The following CORO7 variants were observed in gnomAD, a reference collection of about 807,000 sequenced individuals.
CORO7 encodes coronin 7.
In CORO7, 107 loss-of-function variants were observed where a neutral mutation model predicts 126.6. The ratio of observed to expected loss-of-function variants is 0.85; its 90% CI spans 0.72 to 0.99. The LOEUF (loss-of-function observed/expected upper bound fraction) is 0.99, where lower values mean the gene tolerates loss of function less well. Ranked by LOEUF, CORO7 falls within the 50% of genes least tolerant of loss-of-function variation. The probability of loss-of-function intolerance (pLI) is 0.00; values close to 1 mark genes in which losing one functional copy is unlikely to be tolerated. For missense variants in CORO7, 1,314 were observed against 1,255.8 expected (o/e 1.05, Z -0.70); for synonymous variants, 603 against 536.8 (o/e 1.12, Z -1.70).
At chr16:4,406,921 G>A (rs1426247345) in intron 5 of CORO7, among the ~76,000 whole-genome samples, 1 of 152,104 alleles carries the variant, frequency 6.6e-6, no homozygotes, top group African/African-American at 2.4e-5. Context: ...TTACAGGCGT[G>A]AGCCACCGCG....
chr16:4,395,401 C>T (rs372977565), intron 6 of CORO7, 62 bp from the exon 7 acceptor site: 2 of 1,607,148 alleles, frequency 1.2e-6, no homozygotes, highest in South Asian at 1.1e-5. Context: ...TGGAAGCCAG[C>T]CTGCTCCCCT....
chr16:4,392,562 C>G (rs961543268), intron 7 of CORO7, among the ~76,000 whole-genome samples: 2 of 152,208 alleles, frequency 1.3e-5, no homozygotes, highest in Non-Finnish European at 2.9e-5. Context: ...CGGGATAGCA[C>G]CAGGGCTCAG....
Position 4,364,998 on chromosome 16 carries a change from C to A in CORO7, c.898+5G>T. The A allele has an allele frequency of 6.2e-7, 1 of 1,605,826 alleles. No homozygotes were observed. The highest frequency in any genetic ancestry group is 8.5e-7 in the Non-Finnish European group (1 of 1,176,672). Reference sequence around the variant, plus strand: ...AGGGGATGGGGGCGAGGAAGCAAGGCTTACCTGGGCTCAGCGCCGGCTGCT... The same window carrying A: ...AGGGGATGGGGGCGAGGAAGCAAGGATTACCTGGGCTCAGCGCCGGCTGCT... On this transcript the variant is annotated splice_donor_5th_base_variant and intron_variant, in intron 11 of 27. Transcript: ENST00000251166.
At chr16:4,361,856 C>T in intron 16 of CORO7, 129 bp downstream of exon 16, 1 of 1,423,362 alleles carries the variant, frequency 7.0e-7, no homozygotes. Flanking sequence ...CTGGGAGGAT[C>T]ACAGGACAGG....
In CORO7 at chr16:4,361,163, T is replaced by G. The variant is rs1005213185; in HGVS notation, c.1773A>C (p.Thr591=). ...EVLTTPETVL[T]GHTEKICSLR... ...GCCCCATTCCTGAGCCTGCCTGACC[T>G]GTGAGCACAGTCTCTGGCGTGGTGA... Residue 591 remains threonine (T), a splice_region_variant and synonymous_variant, in exon 18 of 28, where the codon ACA becomes ACC. Transcript: ENST00000251166. 2 of 1,613,140 alleles carry G rather than the reference T, an allele frequency of 1.2e-6. No homozygotes were observed. The highest frequency in any genetic ancestry group is 1.7e-6 in the Non-Finnish European group (2 of 1,179,992).
intron 9 of CORO7, chr16:4,382,542 A>G (rs1431455226): frequency 1.3e-6 from 2 of 1,583,724 alleles, no homozygotes; most frequent in South Asian, 1.1e-5. Flanking sequence ...AGGCCCATAC[A>G]CCCCCAGCCG....
intron 7 of CORO7, among the ~76,000 whole-genome samples, chr16:4,393,839 G>T (rs868731707): frequency 6.6e-6 from 1 of 152,190 alleles, no homozygotes; most frequent in African/African-American, 2.4e-5. Context: ...GGTAGCTCAC[G>T]TCTGTAATCC....
At chr16:4,398,688 G>C (rs1251799336) in intron 6 of CORO7, among the ~76,000 whole-genome samples, 1 of 150,744 alleles carries the variant, frequency 6.6e-6, no homozygotes, top group Non-Finnish European at 1.5e-5. Flanking sequence ...AAAATTGCAA[G>C]GCTGGGCGTG....
intron 13 of CORO7, 38 bp downstream of exon 13, chr16:4,364,559 C>CCA (rs1567252690): frequency 1.3e-6 from 2 of 1,536,956 alleles, no homozygotes; most frequent in African/African-American, 2.7e-5. Flanking sequence ...ACCAGGGACT[C>CCA]GGGGAGGCTG....
rs370284503 is a variant in CORO7 at position 4,364,383 on chromosome 16, G to A, written c.1168C>T (p.Arg390Trp). The A allele has an allele frequency of 3.2e-5, 48 of 1,512,850 alleles. No individual in the cohort carries two copies. Among genetic ancestry groups the A allele is most frequent in the African/African-American group, 8.4e-5 (6 of 71,816 alleles). 93.7% of individuals were successfully genotyped at this position (1,512,850 alleles called of 1,614,324 possible). ...CAGGAAGTGAAGCTCGGGTGGGGCCGGCAGGCGGGGTTGAGGCTGACCTTC... is the reference window on the plus strand; with the variant it reads ...CAGGAAGTGAAGCTCGGGTGGGGCCAGCAGGCGGGGTTGAGGCTGACCTTC... ...VQKVSLNPAC[R>W]PHPSFTSCLV... The change falls in exon 14 of 28, where the codon CGG (arginine) becomes TGG (tryptophan). Residue 390 changes from arginine (R) to tryptophan (W), a missense_variant. Arg to Trp is a moderately radical substitution (Grantham distance 101, BLOSUM62 -3). Transcript: ENST00000251166.
chr16:4,366,264 CG>C (rs1207889323), intron 9 of CORO7, among the ~76,000 whole-genome samples: 1 of 152,174 alleles, frequency 6.6e-6, no homozygotes, highest in East Asian at 1.9e-4. Flanking sequence ...AGGAGCAGGG[CG>C]GGGTGGCAGC....
chr16:4,381,937 A>G, intron 9 of CORO7: 1 of 1,606,876 alleles, frequency 6.2e-7, no homozygotes, highest in African/African-American at 1.3e-5. Flanking sequence ...AGCCACCACC[A>G]CCACAGCCAC....
At chr16:4,365,368 G>A (rs1567254524) in intron 10 of CORO7, 123 bp downstream of exon 10, 11 of 1,408,116 alleles carry the variant, frequency 7.8e-6, no homozygotes, top group Non-Finnish European at 1.1e-5. Flanking sequence ...GAGAGCTACA[G>A]TCACCTTGGC....
At chr16:4,406,617 GTTTT>G (rs1020046298) in intron 5 of CORO7, among the ~76,000 whole-genome samples, 6 of 149,886 alleles carry the variant, frequency 4.0e-5, no homozygotes, top group Admixed American at 6.6e-5. Flanking sequence ...TTTTTTTTTG[GTTTT>G]TTTGTTTTTT....
At position 4,383,041 on chromosome 16, in the gene CORO7, G is replaced by A. The variant is rs1596309368; in HGVS notation, c.785+4945C>T. The A allele has an allele frequency of 5.4e-6, 5 of 932,676 alleles. No individual in the cohort carries two copies. The South Asian group carries it at 7.8e-5, about 15-fold the overall frequency. The allele number at this position is 932,676 out of a possible 1,614,324, so 57.8% of individuals were successfully genotyped here. A position where few individuals can be genotyped will look rare whatever the true frequency, so the allele number is the denominator to read the frequency against. On this transcript the variant is annotated intron_variant, in intron 9 of 27. Coordinates refer to ENST00000251166, the MANE Select transcript of CORO7 (RefSeq NM_024535.5). ...GGCTGTGTGACCACAGCTGGGCCCTGTTCCCTCTGGACCTCGGTCTCCTCA... is the reference window on the plus strand; with the variant it reads ...GGCTGTGTGACCACAGCTGGGCCCTATTCCCTCTGGACCTCGGTCTCCTCA...
chr16:4,357,152 T>C lies in CORO7; in HGVS notation c.2685+16A>G, dbSNP rs980970811. 3.7e-6 allele frequency: 6 copies of C among 1,613,530 alleles called. No individual in the cohort carries two copies. In the African/African-American group the frequency reaches 8.0e-5, roughly 22 times the overall value. ...GACTCTGTCACCTCCGCACAGCTGC[T>C]CTCTCCCATGCCTACCTCCTCCTTC... is the stretch of plus-strand genomic sequence containing the variant. On this transcript the variant is annotated intron_variant, in intron 26 of 27. Transcript: ENST00000251166.
intron 9 of CORO7, chr16:4,381,117 C>T (rs757559169): frequency 6.2e-7 from 1 of 1,609,766 alleles, no homozygotes; most frequent in Non-Finnish European, 8.5e-7. Flanking sequence ...GCCTGCAGCT[C>T]CTGGACCTGT....
chr16:4,410,709 G>C (rs140057734), intron 3 of CORO7, among the ~76,000 whole-genome samples: 272 of 152,302 alleles, frequency 1.8e-3, no homozygotes, highest in African/African-American at 6.0e-3. Context: ...GCGCAAAAGA[G>C]GCCCCTCTAT....
chr16:4,358,835 T>C (rs1159493016), intron 23 of CORO7: 2 of 290,884 alleles, frequency 6.9e-6, no homozygotes, highest in African/African-American at 4.4e-5. Flanking sequence ...ATAGTAAAAT[T>C]GGATAAATTA....
Sources: gnomAD v4.1 joint callset for allele counts (sites outside exome capture counted in the v4.1 genomes callset) on GRCh38, gnomAD v4.1.1 for gene constraint, MANE v1.5 for transcripts, NCBI Gene and HGNC (gene_info 2026-07-23, HGNC 2026-07-21) for gene names.